Variants in GNB4 observed in about 807,000 individuals in gnomAD.
GNB4 encodes G protein subunit beta 4, also known as guanine nucleotide-binding protein subunit beta-4.
In GNB4, 28 loss-of-function variants were observed where a neutral mutation model predicts 45.2. The observed-to-expected ratio is 0.62, with a 90% CI of 0.46 to 0.85. The LOEUF (loss-of-function observed/expected upper bound fraction) is 0.85, where lower values mean the gene tolerates loss of function less well. Among genes scored for constraint, GNB4 ranks in the 40% least tolerant of loss-of-function variants. GNB4 has a pLI of 0.00. For synonymous variants in GNB4, 132 were observed against 143.7 expected, an observed-to-expected ratio of 0.92 and a Z score of 0.58; for missense variants, 321 against 425.4, an observed-to-expected ratio of 0.75 and a Z score of 2.16.
chr3:179,483,194 G>A, the GNB4 span, among the ~76,000 whole-genome samples: 1,291 of 152,008 alleles, frequency 8.5e-3, 11 homozygotes, highest in Non-Finnish European at 0.015. Flanking sequence ...TTCCACAAAG[G>A]AGTAGAATAT....
chr3:179,497,411 A>G, the GNB4 span, among the ~76,000 whole-genome samples: 1 of 152,184 alleles, frequency 6.6e-6, no homozygotes, highest in South Asian at 2.1e-4. Context: ...ACATGAAAAC[A>G]TAGAAGAAAA....
At chr3:179,474,767 T>C in the GNB4 span, among the ~76,000 whole-genome samples, 3 of 137,030 alleles carry the variant, frequency 2.2e-5, no homozygotes, top group South Asian at 7.5e-4. Flanking sequence ...TTTTTGCTTT[T>C]TTTAGACAGG....
At chr3:179,466,007 GTTT>G in the GNB4 span, among the ~76,000 whole-genome samples, 771 of 90,902 alleles carry the variant, frequency 8.5e-3, 7 homozygotes, top group African/African-American at 0.028. Flanking sequence ...TCCTCTAGTC[GTTT>G]TTTTTTTTTT....
At chr3:179,499,518 T>A in the GNB4 span, among the ~76,000 whole-genome samples, 2 of 152,218 alleles carry the variant, frequency 1.3e-5, 1 homozygote. Flanking sequence ...TGGTTCTAAG[T>A]CTTTGCTATT....
At chr3:179,435,470 CAAAAA>C (rs11389978) in intron 1 of GNB4, among the ~76,000 whole-genome samples, 1,339 of 96,030 alleles carry the variant, frequency 0.014, 17 homozygotes, top group East Asian at 0.073. Context: ...CTTTCTTTTA[CAAAAA>C]AAAAAAAAAA....
chr3:179,452,676 A>G (rs2108627779), upstream of GNB4, among the ~76,000 whole-genome samples: 1 of 152,292 alleles, frequency 6.6e-6, no homozygotes, highest in Middle Eastern at 3.4e-3. Flanking sequence ...TGACAAAAAT[A>G]GAAGCAGCTG....
the GNB4 span, chr3:179,465,070 AC>A: frequency 6.8e-7 from 1 of 1,478,684 alleles, no homozygotes; most frequent in Non-Finnish European, 9.4e-7. Flanking sequence ...AGTTGAAGAA[AC>A]ATACAATTCT....
At chr3:179,478,455 G>C in the GNB4 span, among the ~76,000 whole-genome samples, 1 of 152,122 alleles carries the variant, frequency 6.6e-6, no homozygotes, top group African/African-American at 2.4e-5. Context: ...ATTACAAATA[G>C]TTAACTCACA....
the GNB4 span, among the ~76,000 whole-genome samples, chr3:179,476,637 G>A: frequency 2.6e-5 from 4 of 152,220 alleles, no homozygotes; most frequent in African/African-American, 9.7e-5. Context: ...CCTCTGCCTG[G>A]CCTCCCAGGT....
the GNB4 span, among the ~76,000 whole-genome samples, chr3:179,481,681 T>C: frequency 2.6e-5 from 4 of 152,122 alleles, no homozygotes; most frequent in Admixed American, 2.6e-4. Context: ...CATAAAATAA[T>C]AGGTAGTTTT....
intron 9 of GNB4, among the ~76,000 whole-genome samples, chr3:179,403,169 G>A (rs189861755): frequency 2.0e-4 from 31 of 152,248 alleles, no homozygotes; most frequent in Admixed American, 1.2e-3. Context: ...TAGAGTAAAT[G>A]GAGGCCGAGT....
At chr3:179,419,249 T>C (rs1714903285) in intron 4 of GNB4, 150 bp downstream of exon 4, 1 of 643,210 alleles carries the variant, frequency 1.6e-6, no homozygotes, top group Non-Finnish European at 2.8e-6. Context: ...TTAATATTCT[T>C]ATTGAAAGCA....
chr3:179,416,695 C>T, intron 4 of GNB4, 139 bp from the exon 5 acceptor site: 1 of 481,070 alleles, frequency 2.1e-6, no homozygotes. Flanking sequence ...AAATGTTCTT[C>T]CAACTTTTAA....
the GNB4 span, among the ~76,000 whole-genome samples, chr3:179,486,451 C>T: frequency 6.6e-5 from 10 of 152,114 alleles, no homozygotes; most frequent in African/African-American, 2.4e-4. Flanking sequence ...TTTCCAATTT[C>T]TAGCTATTAT....
chr3:179,468,635 A>T, the GNB4 span, among the ~76,000 whole-genome samples: 31 of 152,338 alleles, frequency 2.0e-4, no homozygotes, highest in African/African-American at 7.5e-4. Flanking sequence ...ACTAACATTA[A>T]AACAGAAACC....
the GNB4 span, among the ~76,000 whole-genome samples, chr3:179,461,002 A>C: frequency 6.6e-6 from 1 of 152,130 alleles, no homozygotes. Context: ...ACTTTTTGCC[A>C]GATTTCTTAA....
chr3:179,423,051 A>G (rs140254852), intron 2 of GNB4, among the ~76,000 whole-genome samples: 11,630 of 152,230 alleles, frequency 0.076, 812 homozygotes, highest in Admixed American at 0.15. Context: ...TCAGCCTCCC[A>G]AAGTGCTGGG....
At chr3:179,482,326 G>A in the GNB4 span, among the ~76,000 whole-genome samples, 2 of 152,166 alleles carry the variant, frequency 1.3e-5, no homozygotes, top group Admixed American at 6.5e-5. Flanking sequence ...ATACATCAGC[G>A]AAGATTAGAA....
the GNB4 span, among the ~76,000 whole-genome samples, chr3:179,459,385 T>C: frequency 6.6e-6 from 1 of 152,158 alleles, no homozygotes; most frequent in Admixed American, 6.5e-5. Flanking sequence ...TTCCTGCTCT[T>C]AGAAGCCTAC....
Sources: gnomAD v4.1 joint callset for allele counts (sites outside exome capture counted in the v4.1 genomes callset) on GRCh38, gnomAD v4.1.1 for gene constraint, MANE v1.5 for transcripts, NCBI Gene and HGNC (gene_info 2026-07-23, HGNC 2026-07-21) for gene names.